RNF10: variants seen among roughly 807,000 people sequenced by gnomAD.
RNF10 encodes the protein E3 ubiquitin-protein ligase RNF10.
RNF10 carries 38 observed loss-of-function variants against 91.4 expected under a neutral mutation model. That is an observed-to-expected ratio of 0.42 (90% CI 0.32 to 0.54). RNF10 has a LOEUF of 0.54. Among genes scored for constraint, RNF10 ranks in the 20% least tolerant of loss-of-function variants. The pLI is 0.16. For synonymous variants in RNF10, 364 were observed against 366.3 expected, an observed-to-expected ratio of 0.99 and a Z score of 0.07; for missense variants, 945 against 1,012.0, an observed-to-expected ratio of 0.93 and a Z score of 0.90.
Position 120,563,797 on chromosome 12 carries a change from C to A in RNF10, c.1532-13C>A. The A allele has an allele frequency of 6.2e-7, 1 of 1,613,778 alleles. No individual in the cohort carries two copies. Among genetic ancestry groups the A allele is most frequent in the Non-Finnish European group, 8.5e-7 (1 of 1,179,882 alleles). Reference sequence around the variant, plus strand: ...GGCCAAGACTGGTGTGTGATAGAGCCCCTTGTCCTCAGCGGAAGATGGACA... The same window carrying A: ...GGCCAAGACTGGTGTGTGATAGAGCACCTTGTCCTCAGCGGAAGATGGACA... On this transcript the variant is annotated splice_polypyrimidine_tract_variant and intron_variant, in intron 9 of 16. Coordinates refer to ENST00000325954, the MANE Select transcript of RNF10 (RefSeq NM_014868.5).
At position 120,576,915 on chromosome 12, in the gene RNF10, A is replaced by G. The variant is rs1877471859; in HGVS notation, c.*249A>G. 2.2e-6 allele frequency: 1 copy of G among 452,510 alleles called. No homozygotes were observed. Among genetic ancestry groups the G allele is most frequent in the Non-Finnish European group, 4.0e-6 (1 of 252,570 alleles). The allele number at this position is 452,510 out of a possible 1,614,324, so 28.0% of individuals were successfully genotyped here. On this transcript the variant is annotated 3_prime_UTR_variant, in exon 17 of 17. Coordinates refer to ENST00000325954, the MANE Select transcript of RNF10 (RefSeq NM_014868.5). ...CTCTTCCTGCCAAGGTTTTTAGTTC[A>G]TTGCCAGTTTAGTCTTTTTGACCCA...
intron 2 of RNF10, among the ~76,000 whole-genome samples, chr12:120,550,818 G>A (rs1269513485): frequency 1.3e-5 from 2 of 151,732 alleles, no homozygotes; most frequent in Non-Finnish European, 2.9e-5. Flanking sequence ...GGGTGGTCTC[G>A]ATCTCCTGAC....
chr12:120,575,727 T>C, intron 15 of RNF10, 39 bp downstream of exon 15: 2 of 1,614,172 alleles, frequency 1.2e-6, no homozygotes, highest in African/African-American at 1.3e-5. Flanking sequence ...GTTTGGCTTC[T>C]TTCCATAAAA....
chr12:120,534,550 A>C lies in RNF10; in HGVS notation c.-262A>C. 1.3e-5 allele frequency: 7 copies of C among 559,530 alleles called. No homozygotes were observed. The highest frequency in any genetic ancestry group is 5.5e-5 in the East Asian group (1 of 18,306). 34.7% of individuals were successfully genotyped at this position (559,530 alleles called of 1,614,324 possible). A position where few individuals can be genotyped will look rare whatever the true frequency, so the allele number is the denominator to read the frequency against. ...CCTCCCTCGCCTCCCCTTCCCCCGC[A>C]GCCTCCGCCCCGCCAGGCCCGGCCC... On this transcript the variant is annotated 5_prime_UTR_variant, in exon 1 of 17. Coordinates refer to ENST00000325954, the MANE Select transcript of RNF10 (RefSeq NM_014868.5).
chr12:120,536,553 T>C (rs1396100009), intron 1 of RNF10, among the ~76,000 whole-genome samples: 9 of 152,158 alleles, frequency 5.9e-5, no homozygotes, highest in African/African-American at 2.2e-4. Flanking sequence ...GTGAGACCAT[T>C]GGAGTATGGG....
At chr12:120,559,176 CT>C (rs34120761) in intron 6 of RNF10, among the ~76,000 whole-genome samples, 8,364 of 91,924 alleles carry the variant, frequency 0.091, 119 homozygotes, top group African/African-American at 0.14. Flanking sequence ...TTGAACTACT[CT>C]TTTTTTTTTT....
intron 2 of RNF10, among the ~76,000 whole-genome samples, chr12:120,547,402 C>A (rs933159511): frequency 6.6e-6 from 1 of 152,150 alleles, no homozygotes; most frequent in Non-Finnish European, 1.5e-5. Context: ...AGTGATCCTC[C>A]CACCTCAGCT....
intron 4 of RNF10, among the ~76,000 whole-genome samples, chr12:120,556,715 A>C (rs1049066195): frequency 6.6e-6 from 1 of 152,014 alleles, no homozygotes; most frequent in East Asian, 1.9e-4. Flanking sequence ...GCCTTTATGC[A>C]TACATATTAA....
In RNF10 at chr12:120,565,433, A is replaced by G; in HGVS notation, c.1789A>G (p.Ile597Val). ...ACAACCTGACCAATCTGCAGATGAC[A>G]TTGAGAAGAGGAAACGTCAGCGCCA... Reference protein sequence around the residue: ...KETLEMFSDDIEKRKRQRQKK... With the variant: ...KETLEMFSDDVEKRKRQRQKK... The change falls in exon 12 of 17, where the codon ATT (isoleucine) becomes GTT (valine). Residue 597 changes from isoleucine (I) to valine (V), a missense_variant. Coordinates refer to ENST00000325954, the MANE Select transcript of RNF10 (RefSeq NM_014868.5). 2 of 1,614,014 alleles carry G rather than the reference A, an allele frequency of 1.2e-6. No individual in the cohort carries two copies. The highest frequency in any genetic ancestry group is 8.5e-7 in the Non-Finnish European group (1 of 1,179,942).
At position 120,534,957 on chromosome 12, in the gene RNF10, A is replaced by T; in HGVS notation, c.146A>T (p.Lys49Ile). 1 of 1,599,280 alleles carries T rather than the reference A, an allele frequency of 6.3e-7. No homozygotes were observed. Among genetic ancestry groups the T allele is most frequent in the South Asian group, 1.1e-5 (1 of 90,586 alleles). ...TCGGCGGGGCCAGCCGGCGAGTCTAAACCCAAGAGCGGTAAGGACGGGCCT... is the reference window on the plus strand; with the variant it reads ...TCGGCGGGGCCAGCCGGCGAGTCTATACCCAAGAGCGGTAAGGACGGGCCT... ...SASAGPAGESKPKSDGKNSSG... is the reference protein window; with the variant it reads ...SASAGPAGESIPKSDGKNSSG... Residue 49 changes from lysine (K) to isoleucine (I), a missense_variant, in exon 1 of 17, where the codon AAA becomes ATA. By Grantham distance (102) the Lys-to-Ile change is moderately radical. Transcript: ENST00000325954.
chr12:120,548,441 G>A (rs1162467603), intron 2 of RNF10, among the ~76,000 whole-genome samples: 2 of 152,160 alleles, frequency 1.3e-5, no homozygotes, highest in Non-Finnish European at 2.9e-5. Flanking sequence ...AGGTGTTGCA[G>A]AAGGTGATCA....
chr12:120,542,059 G>T (rs1449114015), intron 1 of RNF10, among the ~76,000 whole-genome samples: 7 of 151,274 alleles, frequency 4.6e-5, no homozygotes, highest in African/African-American at 7.3e-5. Flanking sequence ...GTAGAGACAG[G>T]GTTTCACCAT....
chr12:120,573,701 T>C (rs1415686382), intron 14 of RNF10, among the ~76,000 whole-genome samples: 2 of 152,128 alleles, frequency 1.3e-5, no homozygotes, highest in Non-Finnish European at 2.9e-5. Flanking sequence ...GGTCCCTGCT[T>C]GTGAAGAGAT....
At chr12:120,560,150 T>TTTG (rs1379560131) in intron 6 of RNF10, among the ~76,000 whole-genome samples, 1 of 134,070 alleles carries the variant, frequency 7.5e-6, no homozygotes, top group African/African-American at 2.5e-5. Context: ...GTGTGGTTTT[T>TTTG]TTTGTTTTTT....
chr12:120,574,284 C>T (rs372749458), intron 14 of RNF10, among the ~76,000 whole-genome samples: 1 of 152,364 alleles, frequency 6.6e-6, no homozygotes, highest in Non-Finnish European at 1.5e-5. Context: ...GGCATCCCTG[C>T]TTGAACCCCA....
chr12:120,559,149 A>G (rs1186271551), intron 6 of RNF10, among the ~76,000 whole-genome samples: 2 of 133,052 alleles, frequency 1.5e-5, no homozygotes, highest in Non-Finnish European at 3.3e-5. Flanking sequence ...AGGTCTTGCT[A>G]TGTTGATAGG....
At chr12:120,570,584 G>A (rs899702840) in intron 13 of RNF10, among the ~76,000 whole-genome samples, 7 of 152,214 alleles carry the variant, frequency 4.6e-5, no homozygotes, top group Admixed American at 6.5e-5. Flanking sequence ...CTGGGGGAGA[G>A]AATAGGGCCC....
At position 120,577,513 on chromosome 12, in the gene RNF10, T is replaced by C. The variant is rs1369343158; in HGVS notation, c.*847T>C. ...GAGCTGAATTTGATGTGAATTCTTT[T>C]GCTGCTTAATAAAGTGACCTCTAGG... On this transcript the variant is annotated 3_prime_UTR_variant, in exon 17 of 17. Transcript: ENST00000325954. 4.5e-6 allele frequency: 1 copy of C among 223,058 alleles called. No individual in the cohort carries two copies. Among genetic ancestry groups the C allele is most frequent in the African/African-American group, 2.4e-5 (1 of 41,924 alleles). 13.8% of individuals were successfully genotyped at this position (223,058 alleles called of 1,614,324 possible).
chr12:120,552,854 T>C (rs547251409), intron 3 of RNF10, among the ~76,000 whole-genome samples, 156 bp downstream of exon 3: 204 of 152,182 alleles, frequency 1.3e-3, no homozygotes, highest in Non-Finnish European at 2.2e-3. Context: ...GCCCTTCCTT[T>C]CTTTTACCCA....
Sources: allele counts gnomAD v4.1 joint callset (sites outside exome capture counted in the v4.1 genomes callset), GRCh38; gene constraint gnomAD v4.1.1; transcripts MANE v1.5; gene names NCBI Gene and HGNC (gene_info 2026-07-23, HGNC 2026-07-21).